Variants in STAT1 observed in about 807,000 individuals in gnomAD.
STAT1 encodes signal transducer and activator of transcription 1-alpha/beta.
A neutral mutation model predicts 111.7 loss-of-function variants in STAT1; 24 were observed. The observed-to-expected ratio is 0.21, with a 90% CI of 0.16 to 0.30. The LOEUF is 0.30. Among genes scored for constraint, STAT1 ranks in the 10% least tolerant of loss-of-function variants. The probability of loss-of-function intolerance (pLI) is 1.00; values close to 1 mark genes in which losing one functional copy is unlikely to be tolerated. For missense variants in STAT1, 351 were observed against 911.9 expected, an observed-to-expected ratio of 0.38 and a Z score of 7.92; for synonymous variants, 332 against 326.5, an observed-to-expected ratio of 1.02 and a Z score of -0.18.
chr2:190,994,927 A>AATAT lies in STAT1; in HGVS notation c.944+130_944+133dup, dbSNP rs1159903683. 3.8e-3 allele frequency: 516 copies of AATAT among 134,962 alleles called. 3 individuals are homozygous for AATAT. Among genetic ancestry groups the AATAT allele is most frequent in the East Asian group, 0.016 (68 of 4,270 alleles). The allele number at this position is 134,962 out of a possible 1,614,324, so 8.4% of individuals were successfully genotyped here. A position where few individuals can be genotyped will look rare whatever the true frequency, so the allele number is the denominator to read the frequency against. On this transcript the variant is annotated intron_variant, in intron 10 of 24. Coordinates refer to ENST00000361099, the MANE Select transcript of STAT1 (RefSeq NM_007315.4). ...GAGACTCTATCTCAAAAAAAAAAAAAATATATATATATATATATATATATA... is the reference window on the plus strand; with the variant it reads ...GAGACTCTATCTCAAAAAAAAAAAAAATATATATATATATATATATATATATATA...
At chr2:190,994,890 T>G (rs1693700792) in intron 10 of STAT1, among the ~76,000 whole-genome samples, 171 bp downstream of exon 10, 1 of 138,438 alleles carries the variant, frequency 7.2e-6, no homozygotes, top group Non-Finnish European at 1.5e-5. Context: ...CACTCTAGCC[T>G]GGGTGATAGG....
chr2:190,970,833 G>T lies in STAT1; in HGVS notation c.2239-116C>A. The T allele has an allele frequency of 1.0e-6, 1 of 999,700 alleles. No homozygotes were observed. Among genetic ancestry groups the T allele is most frequent in the Non-Finnish European group, 1.6e-6 (1 of 637,968 alleles). The allele number at this position is 999,700 out of a possible 1,614,324, so 61.9% of individuals were successfully genotyped here. ...GAAGTAGTAGGAAGATACTTGCAAT[G>T]GCAAATAAATACCGTGGAATAAGAG... On this transcript the variant is annotated intron_variant, in intron 24 of 24. Transcript: ENST00000361099. The surrounding 1 kb of genome is among the most constrained non-coding windows in gnomAD (Gnocchi z 5.4).
In STAT1 at chr2:190,987,003, A is replaced by C. The variant is rs761978790; in HGVS notation, c.1127+36T>G. ...GTCTTCCAACTATTAAATAAATAAAAATATAGCACAGTATAGCGTAAAGTA... is the reference window on the plus strand; with the variant it reads ...GTCTTCCAACTATTAAATAAATAAACATATAGCACAGTATAGCGTAAAGTA... On this transcript the variant is annotated intron_variant, in intron 13 of 24. Coordinates refer to ENST00000361099, the MANE Select transcript of STAT1 (RefSeq NM_007315.4). The surrounding 1 kb of genome is among the most constrained non-coding windows in gnomAD (Gnocchi z 4.0). 1.2e-6 allele frequency: 2 copies of C among 1,611,546 alleles called. No homozygotes were observed. Among genetic ancestry groups the C allele is most frequent in the South Asian group, 2.2e-5 (2 of 91,012 alleles).
At position 191,000,549 on chromosome 2, in the gene STAT1, G is replaced by A. The variant is rs1433376862; in HGVS notation, c.462+525C>T. On this transcript the variant is annotated intron_variant, in intron 6 of 24. Transcript: ENST00000361099. This position sits in a 1 kb window ranked among gnomAD's most constrained non-coding sequence, Gnocchi z 4.8. ...CCTAACAGTGGAGAGGAGTAAATGC[G>A]CACCATCGAGGACGCCAGAGCAGCC... 1.3e-5 allele frequency among the ~76,000 whole-genome samples: 2 copies of A among 152,180 alleles called. No individual in the cohort carries two copies. The highest frequency in any genetic ancestry group is 2.9e-5 in the Non-Finnish European group (2 of 68,026).
rs1015482559 is a variant in STAT1 at position 190,983,906 on chromosome 2, CT to C, written c.1348-167del. The stretch of plus-strand genomic sequence containing the variant: ...TGTTCTTCTGTCCAGTTTAACTTGT[CT>C]TTGATGTATCTTTCAGTTAAGAAAT... On this transcript the variant is annotated intron_variant, in intron 16 of 24. Transcript: ENST00000361099. The surrounding 1 kb of genome is among the most constrained non-coding windows in gnomAD (Gnocchi z 5.7). Among the ~76,000 whole-genome samples, 23 of 152,198 alleles carry C rather than the reference CT, an allele frequency of 1.5e-4. No individual in the cohort carries two copies. The highest frequency in any genetic ancestry group is 5.3e-4 in the African/African-American group (22 of 41,520).
In STAT1 at chr2:190,970,152, A is replaced by G. The variant is rs1691343112; in HGVS notation, c.*551T>C. ...ACATTTTCCCCCTACCAGATCCATG[A>G]TGGCTACCTTTGAAAGAGGACTGAT... On this transcript the variant is annotated 3_prime_UTR_variant, in exon 25 of 25. Coordinates refer to ENST00000361099, the MANE Select transcript of STAT1 (RefSeq NM_007315.4). The surrounding 1 kb of genome is among the most constrained non-coding windows in gnomAD (Gnocchi z 5.4). 1 of 163,244 alleles carries G rather than the reference A, an allele frequency of 6.1e-6. No individual in the cohort carries two copies. The highest frequency in any genetic ancestry group is 1.3e-5 in the Non-Finnish European group (1 of 74,338). 10.1% of individuals were successfully genotyped at this position (163,244 alleles called of 1,614,324 possible).
chr2:190,970,476 A>G lies in STAT1; in HGVS notation c.*227T>C. On this transcript the variant is annotated 3_prime_UTR_variant, in exon 25 of 25. Coordinates refer to ENST00000361099, the MANE Select transcript of STAT1 (RefSeq NM_007315.4). The surrounding 1 kb of genome is among the most constrained non-coding windows in gnomAD (Gnocchi z 5.4). ...TTTTCACTTGTGAAACCCACTCTTC[A>G]GAGAATGCCTTTCAATTTTACCTTC... 1.7e-6 allele frequency: 1 copy of G among 604,380 alleles called. No homozygotes were observed. The highest frequency in any genetic ancestry group is 2.5e-5 in the Admixed American group (1 of 39,246). The allele number at this position is 604,380 out of a possible 1,614,324, so 37.4% of individuals were successfully genotyped here.
In STAT1 at chr2:190,983,589, G is replaced by T; in HGVS notation, c.1446+53C>A. Reference sequence around the variant, plus strand: ...GGCTATTTCAGAGATGCAGCAGTGAGAGCGTGGGGTCTCTGCTTAACCCTG... The same window carrying T: ...GGCTATTTCAGAGATGCAGCAGTGATAGCGTGGGGTCTCTGCTTAACCCTG... On this transcript the variant is annotated intron_variant, in intron 17 of 24. Coordinates refer to ENST00000361099, the MANE Select transcript of STAT1 (RefSeq NM_007315.4). The surrounding 1 kb of genome is among the most constrained non-coding windows in gnomAD (Gnocchi z 5.7). 1.3e-6 allele frequency: 2 copies of T among 1,500,288 alleles called. No individual in the cohort carries two copies. Among genetic ancestry groups the T allele is most frequent in the South Asian group, 1.1e-5 (1 of 88,806 alleles). The allele number at this position is 1,500,288 out of a possible 1,614,324, so 92.9% of individuals were successfully genotyped here.
chr2:191,013,478 T>G, intron 2 of STAT1, 47 bp downstream of exon 2: 1 of 396,402 alleles, frequency 2.5e-6, no homozygotes, highest in East Asian at 3.6e-5. Context: ...TAATTAAGAT[T>G]CCGAAGTCAT....
Position 190,995,232 on chromosome 2 carries a change from A to C in STAT1, c.786-13T>G, listed in dbSNP as rs747597448. 2 of 1,613,726 alleles carry C rather than the reference A, an allele frequency of 1.2e-6. No homozygotes were observed. The highest frequency in any genetic ancestry group is 1.7e-5 in the Admixed American group (1 of 60,006). On this transcript the variant is annotated splice_polypyrimidine_tract_variant and intron_variant, in intron 9 of 24. Transcript: ENST00000361099. The surrounding 1 kb of genome is among the most constrained non-coding windows in gnomAD (Gnocchi z 4.2). Reference sequence around the variant, plus strand: ...AACTATAGTGAACCTGGGAAGACACAAGACACAGATGTCTCTATGAGAAAC... The same window carrying C: ...AACTATAGTGAACCTGGGAAGACACCAGACACAGATGTCTCTATGAGAAAC...
rs528448334 is a variant in STAT1 at position 190,975,239 on chromosome 2, T to C, written c.2136-307A>G. 8.1e-5 allele frequency: 37 copies of C among 458,796 alleles called. No individual in the cohort carries two copies. Among genetic ancestry groups the C allele is most frequent in the South Asian group, 6.2e-4 (35 of 56,158 alleles). The allele number at this position is 458,796 out of a possible 1,614,324, so 28.4% of individuals were successfully genotyped here. On this transcript the variant is annotated intron_variant, in intron 23 of 24. Coordinates refer to ENST00000361099, the MANE Select transcript of STAT1 (RefSeq NM_007315.4). The surrounding 1 kb of genome is among the most constrained non-coding windows in gnomAD (Gnocchi z 5.9). ...GCATGTGCGGTGCACTACCCTGAGA[T>C]GACAATGCCTCGTGGCTTACCCTGG...
Position 190,999,771 on chromosome 2 carries a change from T to A in STAT1, c.463-67A>T. The stretch of plus-strand genomic sequence containing the variant: ...CTTCCAAAGACTTTAGGCAACAGAG[T>A]ATTGCTTCTATGGAACCCAGAGAAA... On this transcript the variant is annotated intron_variant, in intron 6 of 24. Coordinates refer to ENST00000361099, the MANE Select transcript of STAT1 (RefSeq NM_007315.4). This position sits in a 1 kb window ranked among gnomAD's most constrained non-coding sequence, Gnocchi z 4.1. The A allele has an allele frequency of 9.0e-7, 1 of 1,108,850 alleles. No individual in the cohort carries two copies. The highest frequency in any genetic ancestry group is 1.3e-5 in the South Asian group (1 of 79,236). The allele number at this position is 1,108,850 out of a possible 1,614,324, so 68.7% of individuals were successfully genotyped here.
rs1302265193 is a variant in STAT1 at position 190,978,962 on chromosome 2, G to A, written c.1767C>T (p.Ala589=). The A allele has an allele frequency of 1.9e-6, 3 of 1,614,026 alleles. No homozygotes were observed. The African/African-American group carries it at 4.0e-5, about 22-fold the overall frequency. The part of the protein sequence containing the change: ...MGFISKERER[A]LLKDQQPGTF... ...TCCCCGGCTGCTGGTCCTTCAACAG[G>A]GCACGCTCTCGCTCCTTGCTGATGA... Residue 589 remains alanine (A), a synonymous_variant, in exon 21 of 25, where the codon GCC becomes GCT. Coordinates refer to ENST00000361099, the MANE Select transcript of STAT1 (RefSeq NM_007315.4). This position sits in a 1 kb window ranked among gnomAD's most constrained non-coding sequence, Gnocchi z 6.1.
Position 190,997,125 on chromosome 2 carries a change from T to C in STAT1, c.785+731A>G, listed in dbSNP as rs1276278211. Among the ~76,000 whole-genome samples, 2 of 152,190 alleles carry C rather than the reference T, an allele frequency of 1.3e-5. No individual in the cohort carries two copies. The highest frequency in any genetic ancestry group is 4.8e-5 in the African/African-American group (2 of 41,460). On this transcript the variant is annotated intron_variant, in intron 9 of 24. Transcript: ENST00000361099. The surrounding 1 kb of genome is among the most constrained non-coding windows in gnomAD (Gnocchi z 7.3). Reference sequence around the variant, plus strand: ...GACACCCCACTCTCCAGCCACCCAATACAGCCCCTGCAGTCTCCCACATGT... The same window carrying C: ...GACACCCCACTCTCCAGCCACCCAACACAGCCCCTGCAGTCTCCCACATGT...
At position 190,984,343 on chromosome 2, in the gene STAT1, T is replaced by C. The variant is rs138091660; in HGVS notation, c.1314A>G (p.Gln438=). 2.8e-3 allele frequency: 4,481 copies of C among 1,614,024 alleles called. 127 individuals carry two copies. Among genetic ancestry groups the C allele is most frequent in the Non-Finnish European group, 5.2e-4 (610 of 1,179,960 alleles). Residue 438 remains glutamine, a synonymous_variant, in exon 16 of 25, where the codon CAA becomes CAG. Coordinates refer to ENST00000361099, the MANE Select transcript of STAT1 (RefSeq NM_007315.4). The surrounding 1 kb of genome is among the most constrained non-coding windows in gnomAD (Gnocchi z 5.2). ...EELHSLSFET[Q]LCQPGLVIDL... ...CAATTACCAAACCAGGCTGGCACAA[T>C]TGGGTTTCAAAACTAAGGGAGTGAA...
Position 190,984,363 on chromosome 2 carries a change from A to T in STAT1, c.1294T>A (p.Ser432Thr), listed in dbSNP as rs1241920918. The change falls in exon 16 of 25, where the codon TCC becomes ACC. Residue 432 changes from serine to threonine, a missense_variant. Transcript: ENST00000361099. This position sits in a 1 kb window ranked among gnomAD's most constrained non-coding sequence, Gnocchi z 5.2. ...GPLIVTEELH[S>T]LSFETQLCQP... ...CACAATTGGGTTTCAAAACTAAGGGAGTGAAGCTCTTCAGTAACGATGAGA... is the reference window on the plus strand; with the variant it reads ...CACAATTGGGTTTCAAAACTAAGGGTGTGAAGCTCTTCAGTAACGATGAGA... 2 of 1,614,126 alleles carry T rather than the reference A, an allele frequency of 1.2e-6. No individual in the cohort carries two copies. Among genetic ancestry groups the T allele is most frequent in the African/African-American group, 2.7e-5 (2 of 75,034 alleles).
Position 191,007,289 on chromosome 2 carries a change from C to T in STAT1, c.372+274G>A, listed in dbSNP as rs1694780434. 6.6e-6 allele frequency among the ~76,000 whole-genome samples: 1 copy of T among 152,210 alleles called. No homozygotes were observed. The highest frequency in any genetic ancestry group is 2.4e-5 in the African/African-American group (1 of 41,442). On this transcript the variant is annotated intron_variant, in intron 5 of 24. Coordinates refer to ENST00000361099, the MANE Select transcript of STAT1 (RefSeq NM_007315.4). This position sits in a 1 kb window ranked among gnomAD's most constrained non-coding sequence, Gnocchi z 4.2. The stretch of plus-strand genomic sequence containing the variant: ...AGGAACAACCCCACTCCCAGCCACT[C>T]CATGAATTCAGCATGTTATCTTCTC...
chr2:191,001,756 T>C (rs1389597003), intron 5 of STAT1, among the ~76,000 whole-genome samples: 1 of 152,214 alleles, frequency 6.6e-6, no homozygotes, highest in East Asian at 1.9e-4. Flanking sequence ...AGTCCTATTT[T>C]TGATAATCAG....
chr2:190,983,871 TGTTAA>T lies in STAT1; in HGVS notation c.1348-136_1348-132del. 3.9e-6 allele frequency: 3 copies of T among 775,752 alleles called. No individual in the cohort carries two copies. The highest frequency in any genetic ancestry group is 2.3e-4 in the Middle Eastern group (1 of 4,420). 48.1% of individuals were successfully genotyped at this position (775,752 alleles called of 1,614,324 possible). ...ATATTTAATACTTGAAAATGAGAAG[TGTTAA>T]GTTCTGTTCTTCTGTCCAGTTTAAC... On this transcript the variant is annotated intron_variant, in intron 16 of 24. Transcript: ENST00000361099. This position sits in a 1 kb window ranked among gnomAD's most constrained non-coding sequence, Gnocchi z 5.7.
Sources: allele counts gnomAD v4.1 joint callset (sites outside exome capture counted in the v4.1 genomes callset), GRCh38; gene constraint gnomAD v4.1.1; non-coding constraint Gnocchi (gnomAD v3.1); transcripts MANE v1.5; gene names NCBI Gene and HGNC (gene_info 2026-07-23, HGNC 2026-07-21).